Variants in MDGA2 observed in about 807,000 individuals in gnomAD.
MDGA2 encodes MAM domain containing glycosylphosphatidylinositol anchor 2, also known as MAM domain-containing glycosylphosphatidylinositol anchor protein 2.
A neutral mutation model predicts 117.8 loss-of-function variants in MDGA2; 40 were observed. The observed-to-expected ratio is 0.34, with a 90% confidence interval of 0.26 to 0.44. MDGA2 has a LOEUF of 0.44. Ranked by LOEUF, MDGA2 falls within the 20% of genes least tolerant of loss-of-function variation. MDGA2 has a pLI of 1.00. For missense variants in MDGA2, 1,123 were observed against 1,250.6 expected, an observed-to-expected ratio of 0.90 and a Z score of 1.54; for synonymous variants, 452 against 439.0, an observed-to-expected ratio of 1.03 and a Z score of -0.37.
chr14:46,934,929 T>G (rs1326564961), intron 9 of MDGA2, among the ~76,000 whole-genome samples: 1 of 152,104 alleles, frequency 6.6e-6, no homozygotes, highest in African/African-American at 2.4e-5. Context: ...CAGTTAAGGC[T>G]CTGGGTCAAT....
At chr14:47,294,182 C>T (rs1888985226) in intron 2 of MDGA2, among the ~76,000 whole-genome samples, 1 of 149,774 alleles carries the variant, frequency 6.7e-6, no homozygotes, top group Non-Finnish European at 1.5e-5. Context: ...GCAGCCTTGA[C>T]CTCCCCAGGC....
chr14:47,580,228 G>T (rs1427407563), intron 1 of MDGA2, among the ~76,000 whole-genome samples: 2 of 151,988 alleles, frequency 1.3e-5, no homozygotes, highest in African/African-American at 4.8e-5. Context: ...TCTGAGGCAG[G>T]GAAGTCCAAG....
chr14:47,674,785 C>CCACACACTCATGCACAAACACACTCA lies in MDGA2; in HGVS notation c.11_12insTGAGTGTGTTTGTGCATGAGTGTGTG (p.Trp4CysfsTer7), dbSNP rs1287666775. On this transcript the variant is annotated stop_gained and frameshift_variant, in exon 1 of 17. Coordinates refer to ENST00000399232, the MANE Select transcript of MDGA2 (RefSeq NM_001113498.3). LOFTEE classifies it high-confidence loss of function. ...GAGCGGAGCGCAGGAGCCCCGCACTCCACACACTCATGCACACACACACTC... is the reference window on the plus strand; with the variant it reads ...GAGCGGAGCGCAGGAGCCCCGCACTCCACACACTCATGCACAAACACACTCACACACACTCATGCACACACACACTC... 1.3e-4 allele frequency: 92 copies of CCACACACTCATGCACAAACACACTCA among 688,176 alleles called. No individual in the cohort carries two copies. In the East Asian group the frequency reaches 2.5e-3, roughly 18 times the overall value. The allele number at this position is 688,176 out of a possible 1,614,324, so 42.6% of individuals were successfully genotyped here.
chr14:47,609,428 C>CATATATATATATATATACATATATATAT (rs1896800843), intron 1 of MDGA2, among the ~76,000 whole-genome samples: 2 of 17,564 alleles, frequency 1.1e-4, no homozygotes, highest in Admixed American at 9.4e-4. Context: ...AGTATTCCAT[C>CATATATATATATATATACATATATATAT]ATATATATAT....
At chr14:47,038,115 A>G (rs888474569) in intron 7 of MDGA2, among the ~76,000 whole-genome samples, 1 of 152,130 alleles carries the variant, frequency 6.6e-6, no homozygotes, top group African/African-American at 2.4e-5. Context: ...TATTTTTAGT[A>G]GAGTCAGGGT....
At chr14:47,046,979 T>C (rs1889288972) in intron 7 of MDGA2, among the ~76,000 whole-genome samples, 1 of 152,174 alleles carries the variant, frequency 6.6e-6, no homozygotes, top group Non-Finnish European at 1.5e-5. Flanking sequence ...TTGTACCCAA[T>C]GTTAGAGATA....
chr14:46,931,708 A>G (rs1248650979), intron 9 of MDGA2, among the ~76,000 whole-genome samples: 3 of 151,850 alleles, frequency 2.0e-5, no homozygotes, highest in Non-Finnish European at 4.4e-5. Flanking sequence ...TTTTTAGTAG[A>G]GACGGGGTTT....
rs369951844 is a variant in MDGA2, at chr14:47,340,479, C to T, written c.281-38929G>A. ...ATATAGAATACATCAATAACGAGTG[C>T]CATCTAGTTATCCTACTCTGGAGAA... On this transcript the variant is annotated intron_variant, in intron 1 of 16. Transcript: ENST00000399232. 4.6e-5 allele frequency among the ~76,000 whole-genome samples: 7 copies of T among 152,204 alleles called. 1 individual carries two copies. The highest frequency in any genetic ancestry group is 1.9e-4 in the East Asian group (1 of 5,158).
chr14:47,564,180 T>C (rs1481521836), intron 1 of MDGA2, among the ~76,000 whole-genome samples: 1 of 152,156 alleles, frequency 6.6e-6, no homozygotes, highest in Admixed American at 6.5e-5. Flanking sequence ...TAGCTGTCTT[T>C]AACATTTTTT....
chr14:47,204,776 G>A (rs999745581), intron 3 of MDGA2, among the ~76,000 whole-genome samples: 4 of 151,850 alleles, frequency 2.6e-5, no homozygotes, highest in Non-Finnish European at 5.9e-5. Context: ...AGGAAAATGT[G>A]CTAGTTTTCT....
chr14:47,614,531 T>C (rs1480243242), intron 1 of MDGA2, among the ~76,000 whole-genome samples: 1 of 152,188 alleles, frequency 6.6e-6, no homozygotes, highest in Non-Finnish European at 1.5e-5. Flanking sequence ...AGATAAATTA[T>C]AGATTAATTT....
At chr14:47,595,321 G>C (rs939881404) in intron 1 of MDGA2, among the ~76,000 whole-genome samples, 9 of 151,712 alleles carry the variant, frequency 5.9e-5, no homozygotes, top group African/African-American at 2.2e-4. Flanking sequence ...GATTACCTGA[G>C]GTCAGGAGTT....
chr14:47,476,669 T>C (rs926622686), intron 1 of MDGA2, among the ~76,000 whole-genome samples: 2 of 152,124 alleles, frequency 1.3e-5, no homozygotes, highest in African/African-American at 4.8e-5. Flanking sequence ...TTTAAATTAG[T>C]CTTATTTTCC....
chr14:47,283,810 G>T (rs1466989140), intron 2 of MDGA2, among the ~76,000 whole-genome samples: 3 of 152,142 alleles, frequency 2.0e-5, no homozygotes, highest in Non-Finnish European at 4.4e-5. Context: ...TAAATAAACA[G>T]CAAGACAGTG....
chr14:47,498,512 C>A (rs910559344), intron 1 of MDGA2, among the ~76,000 whole-genome samples: 1 of 152,114 alleles, frequency 6.6e-6, no homozygotes, highest in Non-Finnish European at 1.5e-5. Flanking sequence ...TTAGTATATA[C>A]ATGTGCTCAC....
At chr14:46,877,622 A>G in intron 11 of MDGA2, 113 bp from the exon 12 acceptor site, 2 of 669,054 alleles carry the variant, frequency 3.0e-6, no homozygotes, top group Non-Finnish European at 4.9e-6. Flanking sequence ...CCAAAACTTA[A>G]TGATCTTTCC....
chr14:47,462,141 G>A (rs1253365172), intron 1 of MDGA2, among the ~76,000 whole-genome samples: 1 of 152,136 alleles, frequency 6.6e-6, no homozygotes, highest in African/African-American at 2.4e-5. Flanking sequence ...ACTTTGGGAG[G>A]CCGAGGCGGG....
chr14:46,931,525 CTT>C (rs34478677), intron 9 of MDGA2, among the ~76,000 whole-genome samples: 3 of 128,908 alleles, frequency 2.3e-5, no homozygotes, highest in Admixed American at 8.1e-5. Flanking sequence ...TTTATTTTTG[CTT>C]TTTTTTTTTT....
intron 6 of MDGA2, among the ~76,000 whole-genome samples, chr14:47,089,356 C>T (rs1463191090): frequency 6.6e-6 from 1 of 151,930 alleles, no homozygotes; most frequent in Non-Finnish European, 1.5e-5. Context: ...TTAATGCTCT[C>T]TCTTCTGTTT....
Sources: allele counts gnomAD v4.1 joint callset (sites outside exome capture counted in the v4.1 genomes callset), GRCh38; gene constraint gnomAD v4.1.1; transcripts MANE v1.5; gene names NCBI Gene and HGNC (gene_info 2026-07-23, HGNC 2026-07-21).